ARHGEF10: variants seen among roughly 807,000 people sequenced by gnomAD.
ARHGEF10 encodes the protein Rho guanine nucleotide exchange factor (GEF) 10.
Under a neutral mutation model 147.4 loss-of-function variants are expected in ARHGEF10, and 140 were observed. The observed-to-expected ratio is 0.95, with a 90% CI of 0.83 to 1.09. The LOEUF (loss-of-function observed/expected upper bound fraction) is 1.09, where lower values mean the gene tolerates loss of function less well. ARHGEF10 is among the 50% of genes least tolerant of loss of function. The pLI is 0.00. For missense variants in ARHGEF10, 2,222 were observed against 1,752.7 expected, an observed-to-expected ratio of 1.27 and a Z score of -4.78; for synonymous variants, 902 against 695.8, an observed-to-expected ratio of 1.30 and a Z score of -4.67.
intron 4 of ARHGEF10, among the ~76,000 whole-genome samples, chr8:1,862,588 C>G (rs929229080): frequency 2.0e-5 from 3 of 152,140 alleles, no homozygotes; most frequent in African/African-American, 7.2e-5. Context: ...TGGGGTGGAG[C>G]CCTGAGAGGG....
At chr8:1,929,973 C>T (rs1277598295) in intron 25 of ARHGEF10, among the ~76,000 whole-genome samples, 1 of 152,228 alleles carries the variant, frequency 6.6e-6, no homozygotes, top group Non-Finnish European at 1.5e-5. Flanking sequence ...TGGGCAGCTG[C>T]TGTGTGTCTG....
At chr8:1,857,636 T>C (rs966770209) in intron 2 of ARHGEF10, among the ~76,000 whole-genome samples, 1 of 152,086 alleles carries the variant, frequency 6.6e-6, no homozygotes, top group Non-Finnish European at 1.5e-5. Flanking sequence ...GCCAGGCTGG[T>C]CTCAAGCTTC....
intron 7 of ARHGEF10, chr8:1,869,898 C>T (rs1181133483): frequency 3.2e-5 from 5 of 158,112 alleles, no homozygotes; most frequent in Non-Finnish European, 5.6e-5. Context: ...AAAGTACAGT[C>T]CTTTAGAAAG....
intron 26 of ARHGEF10, among the ~76,000 whole-genome samples, chr8:1,944,697 T>C (rs1439658912): frequency 1.3e-5 from 2 of 152,232 alleles, no homozygotes; most frequent in Admixed American, 6.5e-5. Context: ...TTTCAAGAGC[T>C]GTGAGGCTGC....
Position 1,840,458 on chromosome 8 carries a change from C to A in ARHGEF10, c.-47-2895C>A, listed in dbSNP as rs1015498373. On this transcript the variant is annotated intron_variant, in intron 1 of 28. Transcript: ENST00000349830. Reference sequence around the variant, plus strand: ...GTGTGGGGACTGTCCGGTGTGGAAGCTGTCCGGTGTGGGTACTGTCCTGTG... The same window carrying A: ...GTGTGGGGACTGTCCGGTGTGGAAGATGTCCGGTGTGGGTACTGTCCTGTG... 2.8e-5 allele frequency among the ~76,000 whole-genome samples: 4 copies of A among 142,814 alleles called. No individual in the cohort carries two copies. In the East Asian group the frequency reaches 8.8e-4, roughly 31 times the overall value. The allele number at this position is 142,814 out of a possible 152,430, so 93.7% of individuals were successfully genotyped here.
At chr8:1,844,977 G>A (rs11784197) in intron 2 of ARHGEF10, among the ~76,000 whole-genome samples, 91,294 of 152,006 alleles carry the variant, frequency 0.6, 28,189 homozygotes, top group Non-Finnish European at 0.69. Flanking sequence ...CAAAAATAAT[G>A]ATATGATAAT....
In ARHGEF10 at chr8:1,928,593, C is replaced by T. The variant is rs919471485; in HGVS notation, c.2864C>T (p.Thr955Ile). 3 of 1,614,114 alleles carry T rather than the reference C, an allele frequency of 1.9e-6. No individual in the cohort carries two copies. The African/African-American group carries it at 4.0e-5, about 22-fold the overall frequency. ...CCTGGGGCACCCCCGGACCCCGAGA[C>T]CCCGGCCGTGAGAGCTTCTGATGTC... is the stretch of plus-strand genomic sequence containing the variant. ...REPGAPPDPETPAVRASDVPT... is the reference protein window; with the variant it reads ...REPGAPPDPEIPAVRASDVPT... The change falls in exon 24 of 29, where the codon ACC (threonine) becomes ATC (isoleucine). Residue 955 changes from threonine to isoleucine, a missense_variant. Thr to Ile is a moderately conservative substitution (Grantham distance 89). Transcript: ENST00000349830.
At chr8:1,872,380 A>G (rs374324739) in intron 7 of ARHGEF10, among the ~76,000 whole-genome samples, 33 of 152,208 alleles carry the variant, frequency 2.2e-4, no homozygotes, top group African/African-American at 7.7e-4. Flanking sequence ...GTTCCAGTGA[A>G]TAGCAGAAGC....
chr8:1,892,218 C>G (rs1809587199), intron 11 of ARHGEF10, among the ~76,000 whole-genome samples: 3 of 150,326 alleles, frequency 2.0e-5, no homozygotes, highest in Non-Finnish European at 4.4e-5. Context: ...AGCCTCTGTG[C>G]TCTGACGTTT....
chr8:1,824,387 G>A (rs116976710), intron 1 of ARHGEF10, among the ~76,000 whole-genome samples: 1,923 of 152,122 alleles, frequency 0.013, 82 homozygotes, highest in East Asian at 0.095. Context: ...CCCAGGGGCA[G>A]GAGCGAACTC....
At chr8:1,951,218 G>A (rs1044351939) in intron 27 of ARHGEF10, among the ~76,000 whole-genome samples, 1 of 152,200 alleles carries the variant, frequency 6.6e-6, no homozygotes, top group African/African-American at 2.4e-5. Context: ...CTGCGCCCCG[G>A]GCTGCTCCCC....
At chr8:1,936,472 T>C (rs999034060) in intron 26 of ARHGEF10, among the ~76,000 whole-genome samples, 1 of 152,142 alleles carries the variant, frequency 6.6e-6, no homozygotes, top group Non-Finnish European at 1.5e-5. Flanking sequence ...ATCGCACTGC[T>C]ATACTCCAGC....
Position 1,944,146 on chromosome 8 carries a change from G to A in ARHGEF10, c.3223-1335G>A, listed in dbSNP as rs570436246. On this transcript the variant is annotated intron_variant, in intron 26 of 28. Transcript: ENST00000349830. ...CCCCAGGATCCCAGCCTCCCGCATC[G>A]TGTCGCCTCCCTCGGGATCCCAGCT... Among the ~76,000 whole-genome samples the A allele has an allele frequency of 2.1e-4, 32 of 149,914 alleles. No homozygotes were observed. The South Asian group carries it at 6.2e-3, about 29-fold the overall frequency.
chr8:1,923,273 G>C, intron 19 of ARHGEF10, 194 bp downstream of exon 19: 1 of 938,264 alleles, frequency 1.1e-6, no homozygotes, highest in South Asian at 1.6e-5. Context: ...TTGCAAATAG[G>C]GTTTAATATC....
In ARHGEF10 at chr8:1,894,511, T is replaced by G. The variant is rs1185096329; in HGVS notation, c.1379T>G (p.Leu460Arg). ...LQCHSLFQIALASRVSEWDSV... is the reference protein window; with the variant it reads ...LQCHSLFQIARASRVSEWDSV... The stretch of plus-strand genomic sequence containing the variant: ...TGCCACTCGCTATTTCAGATCGCGC[T>G]GGCCAGCCGCGTTTCCGAGTGGGAC... The change falls in exon 13 of 29, where the codon CTG becomes CGG. Residue 460 changes from leucine to arginine, a missense_variant. Transcript: ENST00000349830. The G allele has an allele frequency of 6.2e-7, 1 of 1,614,226 alleles. No individual in the cohort carries two copies. The highest frequency in any genetic ancestry group is 8.5e-7 in the Non-Finnish European group (1 of 1,180,042).
chr8:1,936,914 C>G (rs1055907252), intron 26 of ARHGEF10, among the ~76,000 whole-genome samples: 2 of 152,124 alleles, frequency 1.3e-5, no homozygotes, highest in African/African-American at 4.8e-5. Context: ...GGAAAGGGCT[C>G]TCCGGCTGGC....
At chr8:1,882,781 A>C (rs1298257427) in intron 10 of ARHGEF10, 32 bp downstream of exon 10, 23 of 1,374,186 alleles carry the variant, frequency 1.7e-5, no homozygotes, top group Non-Finnish European at 2.2e-5. Flanking sequence ...TGCGGGGAGG[A>C]CACGGGGTTG....
intron 18 of ARHGEF10, among the ~76,000 whole-genome samples, chr8:1,918,549 A>G (rs562528171): frequency 1.5e-4 from 23 of 152,120 alleles, no homozygotes; most frequent in Non-Finnish European, 2.8e-4. Flanking sequence ...ATAATCATAT[A>G]CATGTATGGT....
In ARHGEF10 at chr8:1,922,955, A is replaced by C; in HGVS notation, c.2144-9A>C. On this transcript the variant is annotated splice_polypyrimidine_tract_variant and intron_variant, in intron 18 of 28. Coordinates refer to ENST00000349830, the MANE Select transcript of ARHGEF10 (RefSeq NM_014629.4). ...GTATTCTTTTTTTTTCTTTTTGCTT[A>C]TTTTGTAGACAAAGTTTACATGGGG... The C allele has an allele frequency of 1.3e-6, 2 of 1,588,780 alleles. No homozygotes were observed. Among genetic ancestry groups the C allele is most frequent in the Non-Finnish European group, 1.7e-6 (2 of 1,158,674 alleles).
Sources: allele counts gnomAD v4.1 joint callset (sites outside exome capture counted in the v4.1 genomes callset), GRCh38; gene constraint gnomAD v4.1.1; transcripts MANE v1.5; gene names NCBI Gene and HGNC (gene_info 2026-07-23, HGNC 2026-07-21).